The following MGAM variants were observed in gnomAD, a reference collection of about 807,000 sequenced individuals.
MGAM encodes the protein alpha-1,4-glucosidase.
In MGAM, 253 loss-of-function variants were observed where a neutral mutation model predicts 358.8. The observed-to-expected ratio is 0.71, with a 90% CI of 0.64 to 0.78. The LOEUF is 0.78. Ranked by LOEUF, MGAM falls within the 30% of genes least tolerant of loss-of-function variation. MGAM has a pLI of 0.00. For missense variants in MGAM, 3,080 were observed against 3,432.6 expected (o/e 0.90, Z 2.57); for synonymous variants, 1,105 against 1,227.1 (o/e 0.90, Z 2.08).
intron 26 of MGAM, 131 bp from the exon 27 acceptor site, chr7:142,054,623 A>T: frequency 9.5e-7 from 1 of 1,051,572 alleles, no homozygotes; most frequent in Non-Finnish European, 1.4e-6. Context: ...TATATTAATT[A>T]AATCTCAGAT....
At chr7:142,060,001 C>T (rs1811965934) in intron 33 of MGAM, 35 bp downstream of exon 33, 1 of 1,560,084 alleles carries the variant, frequency 6.4e-7, no homozygotes, top group Non-Finnish European at 8.7e-7. Context: ...TAGTCCCCAG[C>T]CTGAGGGTGG....
At chr7:142,102,590 C>A in intron 68 of MGAM, 40 bp from the exon 69 acceptor site, 1 of 1,587,656 alleles carries the variant, frequency 6.3e-7, no homozygotes, top group Non-Finnish European at 8.6e-7. Flanking sequence ...AGTTCTACAG[C>A]ACAGGTCCAG....
At chr7:142,083,197 C>T (rs1814474040) in intron 52 of MGAM, 104 bp from the exon 53 acceptor site, 1 of 898,238 alleles carries the variant, frequency 1.1e-6, no homozygotes, top group Admixed American at 2.3e-5. Context: ...GCTCTTACTA[C>T]TCTACGATAG....
At position 142,008,506 on chromosome 7, in the gene MGAM, C is replaced by T. The variant is rs1554453211; in HGVS notation, c.128C>T (p.Ala43Val). ...CTTTTTATGTTTGCTTTTGGTATAGCCCCAGATCCTGGGACAACTGGTACC... is the reference window on the plus strand; with the variant it reads ...CTTTTTATGTTTGCTTTTGGTATAGTCCCAGATCCTGGGACAACTGGTACC... Reference protein sequence around the residue: ...LLAKESLKSTAPDPGTTGTPD... With the variant: ...LLAKESLKSTVPDPGTTGTPD... Residue 43 changes from alanine (A) to valine (V), a missense_variant and splice_region_variant, in exon 3 of 71, where the codon GCC becomes GTC. Physicochemically the swap from Ala to Val is moderately conservative, Grantham distance 64. This residue lies in a region of MGAM where 1,816 missense variants were observed against 1,840.5 expected (regional missense o/e 0.99). Transcript: ENST00000475668. The T allele has an allele frequency of 1.9e-6, 3 of 1,606,874 alleles. No homozygotes were observed. The highest frequency in any genetic ancestry group is 2.6e-6 in the Non-Finnish European group (3 of 1,176,412).
chr7:142,072,670 G>A (rs1813437504), intron 44 of MGAM, among the ~76,000 whole-genome samples: 1 of 146,036 alleles, frequency 6.8e-6, no homozygotes, highest in African/African-American at 2.4e-5. Context: ...TTCATACTGT[G>A]ATAATCTTAA....
chr7:142,049,259 T>C (rs1810706907), intron 22 of MGAM, among the ~76,000 whole-genome samples: 2 of 152,186 alleles, frequency 1.3e-5, no homozygotes, highest in African/African-American at 4.8e-5. Context: ...CATTCATCCA[T>C]TGATGGACAC....
At chr7:141,994,653 T>A (rs918779695), upstream of MGAM, among the ~76,000 whole-genome samples, 2 of 152,320 alleles carry the variant, frequency 1.3e-5, no homozygotes, top group Admixed American at 1.3e-4. Context: ...ATAATCCCCA[T>A]GTGTCAAGGG....
intron 26 of MGAM, among the ~76,000 whole-genome samples, 184 bp downstream of exon 26, chr7:142,053,168 G>T (rs1811181204): frequency 6.6e-6 from 1 of 152,122 alleles, no homozygotes; most frequent in African/African-American, 2.4e-5. Context: ...ATTTGGAAAA[G>T]ATTACTGTGG....
At chr7:142,079,847 T>C (rs1246282229) in intron 49 of MGAM, among the ~76,000 whole-genome samples, 1 of 146,458 alleles carries the variant, frequency 6.8e-6, no homozygotes, top group African/African-American at 2.4e-5. Context: ...CATCGTCTAA[T>C]GCAGGGATGA....
At chr7:142,101,168 G>A (rs1215013579) in intron 68 of MGAM, among the ~76,000 whole-genome samples, 2 of 152,132 alleles carry the variant, frequency 1.3e-5, no homozygotes, top group South Asian at 2.1e-4. Context: ...AGCCAGCGGA[G>A]ATAAACTTTC....
chr7:142,042,012 ATAATATATATATATTATAT>A lies in MGAM; in HGVS notation c.2498+1169_2498+1187del, dbSNP rs1563145640. Among the ~76,000 whole-genome samples the A allele has an allele frequency of 5.0e-3, 116 of 23,098 alleles. 6 individuals carry two copies. The highest frequency in any genetic ancestry group is 0.029 in the African/African-American group (111 of 3,766). The allele number at this position is 23,098 out of a possible 152,430, so 15.2% of individuals were successfully genotyped here. A position where few individuals can be genotyped will look rare whatever the true frequency, so the allele number is the denominator to read the frequency against. On this transcript the variant is annotated intron_variant, in intron 21 of 70. Coordinates refer to ENST00000475668, the MANE Select transcript of MGAM (RefSeq NM_001365693.1). Reference sequence around the variant, plus strand: ...AATATATATATATTATATATATAATATAATATATATATATTATATTATATACATATAATATATAATATAT... The same window carrying A: ...AATATATATATATTATATATATAATATATATACATATAATATATAATATAT...
chr7:142,093,023 C>T (rs1250880778), intron 59 of MGAM, among the ~76,000 whole-genome samples: 1 of 146,354 alleles, frequency 6.8e-6, no homozygotes, highest in African/African-American at 2.4e-5. Context: ...ATTGTTCTCT[C>T]TAGGAGTTTT....
At chr7:142,010,074 G>A (rs369731033) in intron 3 of MGAM, among the ~76,000 whole-genome samples, 1 of 152,092 alleles carries the variant, frequency 6.6e-6, no homozygotes, top group African/African-American at 2.4e-5. Context: ...GATGATTCTT[G>A]GTTGTAAATA....
chr7:142,055,523 A>AT, intron 27 of MGAM, 35 bp from the exon 28 acceptor site: 1 of 1,613,322 alleles, frequency 6.2e-7, no homozygotes, highest in Non-Finnish European at 8.5e-7. Context: ...ATAAAAGCTC[A>AT]TTTTCTGTTT....
At chr7:142,102,538 A>T in intron 68 of MGAM, 92 bp from the exon 69 acceptor site, 1 of 1,203,796 alleles carries the variant, frequency 8.3e-7, no homozygotes, top group South Asian at 1.4e-5. Flanking sequence ...CAAACAAGAC[A>T]AGTAGGCAAT....
chr7:142,020,945 A>T, intron 4 of MGAM, 29 bp from the exon 5 acceptor site: 1 of 1,508,746 alleles, frequency 6.6e-7, no homozygotes, highest in Non-Finnish European at 9.2e-7. Context: ...AGAGTCAACT[A>T]TGAAAACCTT....
In MGAM at chr7:142,059,596, T is replaced by C. The variant is rs1811905840; in HGVS notation, c.3944T>C (p.Ile1315Thr). ...MKADGMRVIL[I>T]LDPAISGNET... ...GCTGATGGGATGCGGGTCATCCTCATTCTGGTTAGTCCTGATGTGAATGTG... is the reference window on the plus strand; with the variant it reads ...GCTGATGGGATGCGGGTCATCCTCACTCTGGTTAGTCCTGATGTGAATGTG... Residue 1315 changes from isoleucine (I) to threonine (T), a missense_variant, in exon 32 of 71, where the codon ATT becomes ACT. Physicochemically the swap from Ile to Thr is moderately conservative, Grantham distance 89. Transcript: ENST00000475668. The C allele has an allele frequency of 4.3e-6, 7 of 1,612,284 alleles. No individual in the cohort carries two copies. Among genetic ancestry groups the C allele is most frequent in the Non-Finnish European group, 5.9e-6 (7 of 1,178,736 alleles).
chr7:142,086,184 G>A (rs1563210752), intron 55 of MGAM, 34 bp from the exon 56 acceptor site: 1 of 1,492,170 alleles, frequency 6.7e-7, no homozygotes, highest in South Asian at 1.2e-5. Context: ...CTGTGGCTTT[G>A]ATTTTTCCCA....
intron 10 of MGAM, 59 bp downstream of exon 10, chr7:142,027,794 A>C (rs930577236): frequency 5.6e-6 from 8 of 1,439,404 alleles, no homozygotes; most frequent in Non-Finnish European, 6.4e-6. Flanking sequence ...AGAAAAAGAA[A>C]AACTGTTTAT....
Sources: gnomAD v4.1 joint callset for allele counts (sites outside exome capture counted in the v4.1 genomes callset) on GRCh38, gnomAD v4.1.1 for gene constraint, gnomAD v4.1.1 regional missense constraint, MANE v1.5 for transcripts, NCBI Gene and HGNC (gene_info 2026-07-23, HGNC 2026-07-21) for gene names.